Variants in CNTN5 observed in about 807,000 individuals in gnomAD.
CNTN5 encodes the protein contactin-5.
Under a neutral mutation model 129.1 loss-of-function variants are expected in CNTN5, and 77 were observed. The ratio of observed to expected loss-of-function variants is 0.60; its 90% CI spans 0.50 to 0.72. The LOEUF (loss-of-function observed/expected upper bound fraction) is 0.72, where lower values mean the gene tolerates loss of function less well. CNTN5 is among the 30% of genes least tolerant of loss of function. The pLI is 0.00. For missense variants in CNTN5, 1,478 were observed against 1,328.8 expected, an observed-to-expected ratio of 1.11 and a Z score of -1.75; for synonymous variants, 509 against 465.6, an observed-to-expected ratio of 1.09 and a Z score of -1.20.
At chr11:99,666,309 A>G (rs1024022757) in intron 3 of CNTN5, among the ~76,000 whole-genome samples, 6 of 152,176 alleles carry the variant, frequency 3.9e-5, no homozygotes, top group East Asian at 1.9e-4. Context: ...TTCCCAGTCT[A>G]CAACAGAAAG....
chr11:99,310,124 A>G (rs1371888130), intron 1 of CNTN5, among the ~76,000 whole-genome samples: 1 of 152,202 alleles, frequency 6.6e-6, no homozygotes, highest in Non-Finnish European at 1.5e-5. Flanking sequence ...AAATATGTGC[A>G]ATTTAGTGTA....
chr11:100,210,554 A>C (rs1045689535), intron 15 of CNTN5, among the ~76,000 whole-genome samples: 9 of 152,170 alleles, frequency 5.9e-5, no homozygotes, highest in Non-Finnish European at 1.3e-4. Context: ...TTTGAAGATA[A>C]AAACAAAGAT....
chr11:99,455,888 T>A (rs113173471), intron 2 of CNTN5, among the ~76,000 whole-genome samples: 1,876 of 152,236 alleles, frequency 0.012, 45 homozygotes, highest in African/African-American at 0.043. Flanking sequence ...TATTCGTTAG[T>A]CCTATAGCAT....
chr11:99,724,845 A>C (rs1056941402), intron 3 of CNTN5, among the ~76,000 whole-genome samples: 1 of 152,202 alleles, frequency 6.6e-6, no homozygotes, highest in Admixed American at 6.5e-5. Flanking sequence ...GTAGGTTACT[A>C]TACTACAAGC....
intron 3 of CNTN5, among the ~76,000 whole-genome samples, chr11:99,782,382 C>A (rs1420056168): frequency 2.7e-5 from 4 of 149,164 alleles, no homozygotes; most frequent in Non-Finnish European, 6.0e-5. Flanking sequence ...GAATCAATAT[C>A]GTGAAAATGG....
chr11:99,900,738 G>A (rs1949335286), intron 6 of CNTN5, among the ~76,000 whole-genome samples: 1 of 152,000 alleles, frequency 6.6e-6, no homozygotes, highest in African/African-American at 2.4e-5. Context: ...TGTTTTAAGT[G>A]GGGTATTTAG....
At chr11:99,963,473 T>C (rs1391288738) in intron 8 of CNTN5, among the ~76,000 whole-genome samples, 1 of 152,158 alleles carries the variant, frequency 6.6e-6, no homozygotes, top group East Asian at 1.9e-4. Context: ...ATTATAGATA[T>C]GCAGCATTAT....
chr11:99,985,819 T>A (rs1014079102), intron 8 of CNTN5, among the ~76,000 whole-genome samples: 6 of 152,206 alleles, frequency 3.9e-5, no homozygotes, highest in African/African-American at 1.4e-4. Flanking sequence ...TTTTATTCAG[T>A]CAATGTCTTG....
intron 2 of CNTN5, among the ~76,000 whole-genome samples, chr11:99,325,856 A>G: frequency 6.6e-6 from 1 of 152,292 alleles, no homozygotes; most frequent in Admixed American, 6.5e-5. Context: ...TTCTCAACCG[A>G]CATATAATGT....
intron 2 of CNTN5, among the ~76,000 whole-genome samples, chr11:99,476,697 G>A (rs139324209): frequency 4.6e-5 from 7 of 152,202 alleles, no homozygotes; most frequent in African/African-American, 1.7e-4. Context: ...TTTGTTCACT[G>A]CTGCTATAGC....
intron 8 of CNTN5, among the ~76,000 whole-genome samples, chr11:99,976,626 G>A (rs1591513185): frequency 1.3e-5 from 2 of 152,222 alleles, no homozygotes; most frequent in Non-Finnish European, 2.9e-5. Context: ...GCAATGGCTT[G>A]AGCTGTATCT....
chr11:100,163,173 C>T (rs866368766), intron 13 of CNTN5, among the ~76,000 whole-genome samples: 2 of 151,788 alleles, frequency 1.3e-5, no homozygotes, highest in Non-Finnish European at 1.5e-5. Flanking sequence ...TTAGACATGA[C>T]CTTTGTTAAC....
intron 13 of CNTN5, among the ~76,000 whole-genome samples, chr11:100,183,612 C>T (rs930639371): frequency 2.0e-5 from 3 of 151,954 alleles, no homozygotes; most frequent in East Asian, 1.9e-4. Flanking sequence ...CCTAGGACAA[C>T]GATGGGGTTA....
intron 2 of CNTN5, among the ~76,000 whole-genome samples, chr11:99,497,494 G>A (rs2135371434): frequency 6.6e-6 from 1 of 152,046 alleles, no homozygotes; most frequent in East Asian, 1.9e-4. Context: ...AACCCAGAAA[G>A]AAAACTTATT....
At chr11:99,839,128 A>T (rs764994420) in intron 4 of CNTN5, among the ~76,000 whole-genome samples, 14 of 152,288 alleles carry the variant, frequency 9.2e-5, no homozygotes, top group Admixed American at 5.9e-4. Flanking sequence ...AAACAAGATT[A>T]AAAAGGAGGC....
chr11:99,903,924 A>G (rs1015039294), intron 6 of CNTN5, among the ~76,000 whole-genome samples: 10 of 152,170 alleles, frequency 6.6e-5, no homozygotes, highest in Non-Finnish European at 1.5e-4. Flanking sequence ...ATTCAACATC[A>G]TAATCATCAG....
At chr11:99,778,750 C>T (rs898674283) in intron 3 of CNTN5, among the ~76,000 whole-genome samples, 2 of 151,806 alleles carry the variant, frequency 1.3e-5, no homozygotes, top group Non-Finnish European at 2.9e-5. Context: ...ATTATCATCA[C>T]TATGATTATT....
intron 1 of CNTN5, among the ~76,000 whole-genome samples, chr11:99,278,273 A>G (rs1391440286): frequency 6.6e-6 from 1 of 151,640 alleles, no homozygotes; most frequent in Non-Finnish European, 1.5e-5. Context: ...GCTGTATTTT[A>G]TTCACAAGAA....
At chr11:99,667,308 T>TA (rs76668794) in intron 3 of CNTN5, among the ~76,000 whole-genome samples, 7,821 of 151,524 alleles carry the variant, frequency 0.052, 223 homozygotes, top group East Asian at 0.11. Flanking sequence ...TAATAAATTT[T>TA]GTAAATAGCT....
Sources: gnomAD v4.1 joint callset for allele counts (sites outside exome capture counted in the v4.1 genomes callset) on GRCh38, gnomAD v4.1.1 for gene constraint, MANE v1.5 for transcripts, NCBI Gene and HGNC (gene_info 2026-07-23, HGNC 2026-07-21) for gene names.